The following KATNBL1 variants were observed in gnomAD, a reference collection of about 807,000 sequenced individuals.
KATNBL1 encodes the protein KATNB1-like protein 1.
A neutral mutation model predicts 44.7 loss-of-function variants in KATNBL1; 28 were observed. The ratio of observed to expected loss-of-function variants is 0.63; its 90% CI spans 0.46 to 0.86. The LOEUF is 0.86. KATNBL1 is among the 40% of genes least tolerant of loss of function. The pLI is 0.00. For synonymous variants in KATNBL1, 78 were observed against 114.9 expected (o/e 0.68, Z 2.06); for missense variants, 272 against 350.7 (o/e 0.78, Z 1.79).
At chr15:34,154,806 C>A (rs932959042) in intron 2 of KATNBL1, 122 bp from the exon 3 acceptor site, 6 of 703,612 alleles carry the variant, frequency 8.5e-6, no homozygotes, top group South Asian at 3.1e-5. Flanking sequence ...GGGTGCCAAT[C>A]GTGCCTGGAG....
At chr15:34,176,293 AC>A (rs1197522086) in intron 1 of KATNBL1, among the ~76,000 whole-genome samples, 1 of 151,716 alleles carries the variant, frequency 6.6e-6, no homozygotes, top group Non-Finnish European at 1.5e-5. Flanking sequence ...CAGGATAATT[AC>A]TTGAACCCGG....
At chr15:34,150,016 T>A (rs1257116239) in intron 4 of KATNBL1, among the ~76,000 whole-genome samples, 1 of 152,274 alleles carries the variant, frequency 6.6e-6, no homozygotes, top group African/African-American at 2.4e-5. Context: ...CAGACACTTT[T>A]GTTAAAATTA....
chr15:34,194,807 A>C (rs1889987659), intron 1 of KATNBL1, among the ~76,000 whole-genome samples: 1 of 152,272 alleles, frequency 6.6e-6, no homozygotes. Context: ...GAACACAAAT[A>C]GACATTCTTC....
chr15:34,150,573 G>GAT (rs1456498052), intron 4 of KATNBL1, among the ~76,000 whole-genome samples: 1 of 152,208 alleles, frequency 6.6e-6, no homozygotes, highest in Non-Finnish European at 1.5e-5. Context: ...CAGCCTGGGT[G>GAT]ATAGAGCGAG....
At chr15:34,184,572 G>GTTTCT (rs1240578445) in intron 1 of KATNBL1, among the ~76,000 whole-genome samples, 1 of 12,350 alleles carries the variant, frequency 8.1e-5, no homozygotes, top group Non-Finnish European at 1.9e-4. Flanking sequence ...CTCTCCTAAT[G>GTTTCT]TTTCTTTTTT....
Position 34,188,136 on chromosome 15 carries a change from G to GCAAAAAAAAAAAAAAAAAAA in KATNBL1, c.-15+21814_-15+21815insTTTTTTTTTTTTTTTTTTTG, listed in dbSNP as rs1394136257. ...CCTGGGTGACAGAGGAAGACGCCAT[G>GCAAAAAAAAAAAAAAAAAAA]TAAAAAAAAAAAAAAAAAAAAAAAA... On this transcript the variant is annotated intron_variant, in intron 1 of 9. Coordinates refer to ENST00000256544, the MANE Select transcript of KATNBL1 (RefSeq NM_024713.3). Among the ~76,000 whole-genome samples, 13 of 6,578 alleles carry GCAAAAAAAAAAAAAAAAAAA rather than the reference G, an allele frequency of 2.0e-3. 1 individual carries two copies. The highest frequency in any genetic ancestry group is 3.5e-3 in the Non-Finnish European group (8 of 2,266). 4.3% of individuals were successfully genotyped at this position (6,578 alleles called of 152,430 possible). A position where few individuals can be genotyped will look rare whatever the true frequency, so the allele number is the denominator to read the frequency against.
chr15:34,197,559 GTA>G (rs1190500120), intron 1 of KATNBL1, among the ~76,000 whole-genome samples: 2 of 152,194 alleles, frequency 1.3e-5, no homozygotes, highest in Non-Finnish European at 2.9e-5. Context: ...TAAATTTGTT[GTA>G]TGTTTCTATA....
chr15:34,152,092 C>T (rs996395743), intron 4 of KATNBL1, among the ~76,000 whole-genome samples: 11 of 152,176 alleles, frequency 7.2e-5, no homozygotes, highest in African/African-American at 2.6e-4. Flanking sequence ...AGGCACCCAC[C>T]ATCATGCCCG....
intron 5 of KATNBL1, 74 bp from the exon 6 acceptor site, chr15:34,147,504 C>A: frequency 8.4e-7 from 1 of 1,189,508 alleles, no homozygotes; most frequent in East Asian, 2.4e-5. Context: ...TGATTATTCA[C>A]ACCGCTTTTG....
intron 1 of KATNBL1, among the ~76,000 whole-genome samples, chr15:34,195,426 A>G (rs9920644): frequency 0.98 from 148,769 of 152,196 alleles, 72,794 homozygotes; most frequent in East Asian, 1. Flanking sequence ...ATGGAGACTC[A>G]GAGAGGTAGG....
At chr15:34,167,703 C>G (rs983850621) in intron 1 of KATNBL1, among the ~76,000 whole-genome samples, 1 of 152,170 alleles carries the variant, frequency 6.6e-6, no homozygotes, top group Non-Finnish European at 1.5e-5. Flanking sequence ...AGAGAAAGGT[C>G]AGGTTACCCA....
intron 2 of KATNBL1, among the ~76,000 whole-genome samples, chr15:34,156,212 C>T (rs994061220): frequency 6.6e-6 from 1 of 152,168 alleles, no homozygotes; most frequent in Admixed American, 6.5e-5. Flanking sequence ...TCCTCTTTGT[C>T]GTGAGAGACA....
intron 1 of KATNBL1, among the ~76,000 whole-genome samples, chr15:34,188,826 A>G (rs1889796419): frequency 6.6e-6 from 1 of 152,224 alleles, no homozygotes; most frequent in South Asian, 2.1e-4. Context: ...GAACTCCCCA[A>G]AGAAGTAAGC....
chr15:34,147,360 C>A lies in KATNBL1; in HGVS notation c.608+20G>T. On this transcript the variant is annotated intron_variant, in intron 6 of 9. Coordinates refer to ENST00000256544, the MANE Select transcript of KATNBL1 (RefSeq NM_024713.3). ...GACCTCCTTTAATCTTATTTTTTTTCTGAAAAATATTGTTTTTACCAATTG... is the reference window on the plus strand; with the variant it reads ...GACCTCCTTTAATCTTATTTTTTTTATGAAAAATATTGTTTTTACCAATTG... 4.4e-6 allele frequency: 7 copies of A among 1,606,678 alleles called. No individual in the cohort carries two copies. The highest frequency in any genetic ancestry group is 6.0e-6 in the Non-Finnish European group (7 of 1,174,814).
chr15:34,161,538 A>C (rs1367845675), intron 2 of KATNBL1, among the ~76,000 whole-genome samples: 1 of 152,246 alleles, frequency 6.6e-6, no homozygotes, highest in Non-Finnish European at 1.5e-5. Flanking sequence ...AAGGGTGCCA[A>C]TCACGCCTGG....
intron 1 of KATNBL1, among the ~76,000 whole-genome samples, chr15:34,178,755 C>CAAAAAAAAAAAAAAAAAAAAAAAAAAAA (rs59061813): frequency 8.2e-6 from 1 of 122,680 alleles, no homozygotes; most frequent in Admixed American, 8.2e-5. Flanking sequence ...GACTCTGTCT[C>CAAAAAAAAAAAAAAAAAAAAAAAAAAAA]AAAAAAAAAA....
At chr15:34,188,846 TA>T (rs1428866761) in intron 1 of KATNBL1, among the ~76,000 whole-genome samples, 2 of 152,226 alleles carry the variant, frequency 1.3e-5, no homozygotes, top group Non-Finnish European at 2.9e-5. Context: ...CCCAGCATTA[TA>T]ACTGACTGTC....
intron 1 of KATNBL1, among the ~76,000 whole-genome samples, chr15:34,177,567 C>A (rs928150574): frequency 7.2e-5 from 10 of 139,656 alleles, no homozygotes; most frequent in Non-Finnish European, 1.5e-4. Context: ...TCACTTGAGC[C>A]CGCGAGGCAG....
At chr15:34,152,391 G>T (rs1567518483) in intron 4 of KATNBL1, among the ~76,000 whole-genome samples, 1 of 151,530 alleles carries the variant, frequency 6.6e-6, no homozygotes, top group African/African-American at 2.4e-5. Flanking sequence ...TTTAGTAGAG[G>T]CAGGGTTTCA....
Sources: allele counts gnomAD v4.1 joint callset (sites outside exome capture counted in the v4.1 genomes callset), GRCh38; gene constraint gnomAD v4.1.1; transcripts MANE v1.5; gene names NCBI Gene and HGNC (gene_info 2026-07-23, HGNC 2026-07-21).